VAPB: variants seen among roughly 807,000 people sequenced by gnomAD.
The protein encoded by VAPB is VAMP associated protein B and C, also known as vesicle-associated membrane protein-associated protein B/C.
In VAPB, 7 loss-of-function variants were observed where a neutral mutation model predicts 25.6. The ratio of observed to expected loss-of-function variants is 0.27; its 90% confidence interval spans 0.16 to 0.51. The LOEUF (loss-of-function observed/expected upper bound fraction) is 0.51. VAPB is among the 20% of genes least tolerant of loss of function. The pLI, the probability that VAPB is intolerant of heterozygous loss-of-function variation, is 0.97. For synonymous variants in VAPB, 112 were observed against 109.2 expected (o/e 1.03, Z -0.16); for missense variants, 266 against 301.3 (o/e 0.88, Z 0.87).
In VAPB at chr20:58,448,794, A is replaced by G. The variant is rs73296848; in HGVS notation, c.*4559A>G. 387 of 454,140 alleles carry G rather than the reference A, an allele frequency of 8.5e-4. 1 individual carries two copies. Among genetic ancestry groups the G allele is most frequent in the African/African-American group, 7.1e-3 (355 of 50,132 alleles). The allele number at this position is 454,140 out of a possible 1,614,324, so 28.1% of individuals were successfully genotyped here. On this transcript the variant is annotated 3_prime_UTR_variant, in exon 6 of 6. Coordinates refer to ENST00000475243, the MANE Select transcript of VAPB (RefSeq NM_004738.5). ...CACTACAGACAGTGAAAAAAGGTACATATTCCATTTTCTCATTGCCTGAAG... is the reference window on the plus strand; with the variant it reads ...CACTACAGACAGTGAAAAAAGGTACGTATTCCATTTTCTCATTGCCTGAAG...
At position 58,444,244 on chromosome 20, in the gene VAPB, T is replaced by C; in HGVS notation, c.*9T>C. ...GGAAGATTGCCTTGTAGAGGTAGCA[T>C]GCACAGGATGGTAAATTGGATTGGT... is the stretch of plus-strand genomic sequence containing the variant. On this transcript the variant is annotated 3_prime_UTR_variant, in exon 6 of 6. Coordinates refer to ENST00000475243, the MANE Select transcript of VAPB (RefSeq NM_004738.5). 1 of 1,614,196 alleles carries C rather than the reference T, an allele frequency of 6.2e-7. No individual in the cohort carries two copies. The highest frequency in any genetic ancestry group is 1.1e-5 in the South Asian group (1 of 91,086).
At chr20:58,399,976 C>G (rs969373528) in intron 1 of VAPB, among the ~76,000 whole-genome samples, 6 of 152,002 alleles carry the variant, frequency 3.9e-5, no homozygotes, top group African/African-American at 1.5e-4. Flanking sequence ...TCAGCATTTA[C>G]AATATAGTAG....
In VAPB at chr20:58,426,757, T is replaced by C. The variant is rs975844949; in HGVS notation, c.212-7845T>C. Among the ~76,000 whole-genome samples, 27 of 152,044 alleles carry C rather than the reference T, an allele frequency of 1.8e-4. 1 individual carries two copies. The highest frequency in any genetic ancestry group is 1.3e-3 in the Admixed American group (20 of 15,252). ...TGGAGTTTGTAGGGGCTAGGCAGGG[T>C]GATTTGGATGGGAAAGAAACTAGAA... On this transcript the variant is annotated intron_variant, in intron 2 of 5. Transcript: ENST00000475243.
At chr20:58,414,249 C>T (rs549347385) in intron 1 of VAPB, among the ~76,000 whole-genome samples, 4 of 141,406 alleles carry the variant, frequency 2.8e-5, no homozygotes, top group East Asian at 2.3e-4. Context: ...CCCTCCTGGA[C>T]GGGGCGGCTG....
intron 2 of VAPB, among the ~76,000 whole-genome samples, chr20:58,423,512 T>G (rs1988720922): frequency 6.7e-6 from 1 of 150,162 alleles, no homozygotes; most frequent in Admixed American, 6.7e-5. Flanking sequence ...CATTGATCAG[T>G]TAATTTAAAT....
In VAPB at chr20:58,449,484, GTGTTAAATC is replaced by G. The variant is rs1230421000; in HGVS notation, c.*5250_*5258del. On this transcript the variant is annotated 3_prime_UTR_variant, in exon 6 of 6. Transcript: ENST00000475243. ...GGAATTAGTTTATTAGAAAATGTCTGTGTTAAATCCGTAGAAAAGGAAGAAAAGTGTAGC... is the reference window on the plus strand; with the variant it reads ...GGAATTAGTTTATTAGAAAATGTCTGCGTAGAAAAGGAAGAAAAGTGTAGC... 2 of 452,858 alleles carry G rather than the reference GTGTTAAATC, an allele frequency of 4.4e-6. No homozygotes were observed. The highest frequency in any genetic ancestry group is 1.4e-4 in the East Asian group (2 of 14,400). 28.1% of individuals were successfully genotyped at this position (452,858 alleles called of 1,614,324 possible).
chr20:58,443,616 T>A (rs1989210830), intron 5 of VAPB, among the ~76,000 whole-genome samples: 1 of 151,636 alleles, frequency 6.6e-6, no homozygotes, highest in African/African-American at 2.4e-5. Flanking sequence ...ATTTATATAT[T>A]TATGTCTTGG....
chr20:58,414,149 G>A (rs1349223155), intron 1 of VAPB, among the ~76,000 whole-genome samples: 2 of 128,588 alleles, frequency 1.6e-5, no homozygotes, highest in African/African-American at 2.9e-5. Flanking sequence ...CCTCCCTCCC[G>A]GACGGGGCGG....
intron 2 of VAPB, among the ~76,000 whole-genome samples, chr20:58,419,749 A>G (rs888997799): frequency 6.6e-6 from 1 of 152,254 alleles, no homozygotes; most frequent in South Asian, 2.1e-4. Flanking sequence ...GTTGACATCA[A>G]GGGCAGCTGA....
rs1173118006 is a variant in VAPB at position 58,448,564 on chromosome 20, G to A, written c.*4329G>A. ...TTTAGAACTAAATCAGTCTCTGTAA[G>A]GCCTACATTGCTAAGATACCATTTC... On this transcript the variant is annotated 3_prime_UTR_variant, in exon 6 of 6. Transcript: ENST00000475243. 2 of 454,046 alleles carry A rather than the reference G, an allele frequency of 4.4e-6. No homozygotes were observed. The highest frequency in any genetic ancestry group is 8.8e-6 in the Non-Finnish European group (2 of 226,782). 28.1% of individuals were successfully genotyped at this position (454,046 alleles called of 1,614,324 possible).
At chr20:58,426,898 G>A (rs1169888648) in intron 2 of VAPB, among the ~76,000 whole-genome samples, 2 of 152,214 alleles carry the variant, frequency 1.3e-5, no homozygotes, top group African/African-American at 4.8e-5. Context: ...AGTGAAGCAT[G>A]TGCTGTAGTA....
At chr20:58,424,621 T>C (rs932142851) in intron 2 of VAPB, among the ~76,000 whole-genome samples, 2 of 152,236 alleles carry the variant, frequency 1.3e-5, no homozygotes, top group African/African-American at 4.8e-5. Context: ...GAAAAGTATG[T>C]TGGATTTTTG....
In VAPB at chr20:58,441,099, C is replaced by A. The variant is rs1240314316; in HGVS notation, c.573+16C>A. 1 of 1,612,992 alleles carries A rather than the reference C, an allele frequency of 6.2e-7. No homozygotes were observed. The highest frequency in any genetic ancestry group is 1.1e-5 in the South Asian group (1 of 91,002). On this transcript the variant is annotated intron_variant, in intron 5 of 5. Transcript: ENST00000475243. ...GCAGTTCAAGGTAATAGTTTATTTT[C>A]TGGTAATCTACAGAAAACAAGGGCG...
chr20:58,408,361 A>C (rs191199836), intron 1 of VAPB, among the ~76,000 whole-genome samples: 1 of 152,226 alleles, frequency 6.6e-6, no homozygotes, highest in East Asian at 1.9e-4. Flanking sequence ...GGTTATTTCA[A>C]AATAAGAGCT....
rs1345404183 is a variant in VAPB at position 58,448,258 on chromosome 20, A to G, written c.*4023A>G. The G allele has an allele frequency of 4.4e-6, 2 of 454,098 alleles. No individual in the cohort carries two copies. Among genetic ancestry groups the G allele is most frequent in the Non-Finnish European group, 4.4e-6 (1 of 226,780 alleles). 28.1% of individuals were successfully genotyped at this position (454,098 alleles called of 1,614,324 possible). ...CAACGACCACTCTTCTGGAACACCA[A>G]GAGCAGCTCTGAGATCATGCTGGCC... On this transcript the variant is annotated 3_prime_UTR_variant, in exon 6 of 6. Coordinates refer to ENST00000475243, the MANE Select transcript of VAPB (RefSeq NM_004738.5).
chr20:58,399,713 CAAAAA>C (rs11315321), intron 1 of VAPB, among the ~76,000 whole-genome samples: 38 of 128,390 alleles, frequency 3.0e-4, no homozygotes, highest in Non-Finnish European at 2.7e-4. Flanking sequence ...GAGACCGTCT[CAAAAA>C]AAAAAAAAAA....
At position 58,447,370 on chromosome 20, in the gene VAPB, G is replaced by A. The variant is rs1448966563; in HGVS notation, c.*3135G>A. ...CCTTCTCTCGTCTTCTGAACTGCTG[G>A]CACCAGCAGTAATACATACTGATAA... On this transcript the variant is annotated 3_prime_UTR_variant, in exon 6 of 6. Transcript: ENST00000475243. 1 of 453,892 alleles carries A rather than the reference G, an allele frequency of 2.2e-6. No individual in the cohort carries two copies. The highest frequency in any genetic ancestry group is 4.4e-6 in the Non-Finnish European group (1 of 226,798). The allele number at this position is 453,892 out of a possible 1,614,324, so 28.1% of individuals were successfully genotyped here.
chr20:58,429,544 G>A (rs1988880723), intron 2 of VAPB, among the ~76,000 whole-genome samples: 1 of 152,196 alleles, frequency 6.6e-6, no homozygotes, highest in African/African-American at 2.4e-5. Flanking sequence ...TGCAGTAAGG[G>A]GGCAGTATAT....
intron 1 of VAPB, among the ~76,000 whole-genome samples, chr20:58,417,267 T>C (rs1036900300): frequency 2.0e-5 from 3 of 152,214 alleles, no homozygotes; most frequent in African/African-American, 4.8e-5. Context: ...TTCAGGTTAA[T>C]AGGAATAGTA....
Sources: gnomAD v4.1 joint callset for allele counts (sites outside exome capture counted in the v4.1 genomes callset) on GRCh38, gnomAD v4.1.1 for gene constraint, MANE v1.5 for transcripts, NCBI Gene and HGNC (gene_info 2026-07-23, HGNC 2026-07-21) for gene names.